PABPC4L: variants seen among roughly 807,000 people sequenced by gnomAD.
The protein encoded by PABPC4L is polyadenylate-binding protein 4-like.
For missense variants in PABPC4L, 452 were observed against 451.4 expected, an observed-to-expected ratio of 1.00 and a Z score of -0.01; for synonymous variants, 169 against 164.1, an observed-to-expected ratio of 1.03 and a Z score of -0.23.
chr4:134,200,240 A>T lies in PABPC4L; in HGVS notation c.780T>A (p.Ile260=). Residue 260 remains isoleucine (I), a synonymous_variant, in exon 2 of 2, where the codon ATT becomes ATA. Transcript: ENST00000421491. ...CTTTCTTTTGAGCCCGGCCTACAAA[A>T]ATCAGCTGCCCATTTATGTCCCTTC... The part of the protein sequence containing the change: ...MNGRDINGQL[I]FVGRAQKKVE... 1 of 1,552,964 alleles carries T rather than the reference A, an allele frequency of 6.4e-7. No individual in the cohort carries two copies. Among genetic ancestry groups the T allele is most frequent in the South Asian group, 1.2e-5 (1 of 84,136 alleles).
At chr4:134,050,597 C>T in the PABPC4L span, among the ~76,000 whole-genome samples, 5 of 148,874 alleles carry the variant, frequency 3.4e-5, no homozygotes, top group African/African-American at 1.2e-4. Context: ...CCCAGCTACT[C>T]GGGAGGCTGA....
At chr4:134,126,747 C>A in the PABPC4L span, among the ~76,000 whole-genome samples, 1 of 152,116 alleles carries the variant, frequency 6.6e-6, no homozygotes, top group African/African-American at 2.4e-5. Flanking sequence ...AGAACTATCA[C>A]AGAAACATAC....
At chr4:134,175,099 A>C in the PABPC4L span, among the ~76,000 whole-genome samples, 1 of 152,192 alleles carries the variant, frequency 6.6e-6, no homozygotes, top group Admixed American at 6.6e-5. Context: ...TCAGATCTTC[A>C]GAACATAGTA....
the PABPC4L span, among the ~76,000 whole-genome samples, chr4:133,958,002 G>T: frequency 6.6e-6 from 1 of 152,124 alleles, no homozygotes; most frequent in African/African-American, 2.4e-5. Flanking sequence ...GACCTCTGAC[G>T]CCCTGCAGAC....
At chr4:134,178,324 TAC>T in the PABPC4L span, among the ~76,000 whole-genome samples, 1 of 126,660 alleles carries the variant, frequency 7.9e-6, no homozygotes, top group Non-Finnish European at 1.6e-5. Flanking sequence ...ACACACCATA[TAC>T]CATAATTAAC....
the PABPC4L span, among the ~76,000 whole-genome samples, chr4:134,122,147 A>AT: frequency 6.6e-6 from 1 of 151,788 alleles, no homozygotes; most frequent in Non-Finnish European, 1.5e-5. Flanking sequence ...GTCAACTGTC[A>AT]TTTTTTATTA....
At chr4:133,990,070 G>A in the PABPC4L span, among the ~76,000 whole-genome samples, 1 of 151,990 alleles carries the variant, frequency 6.6e-6, no homozygotes, top group Admixed American at 6.6e-5. Flanking sequence ...CACAACACAT[G>A]GGGATCATAG....
the PABPC4L span, among the ~76,000 whole-genome samples, chr4:134,156,741 C>T: frequency 6.6e-6 from 1 of 151,498 alleles, no homozygotes; most frequent in African/African-American, 2.4e-5. Flanking sequence ...TAACTGTGAC[C>T]ATATTGTGTT....
At chr4:134,140,923 T>C in the PABPC4L span, among the ~76,000 whole-genome samples, 3 of 151,702 alleles carry the variant, frequency 2.0e-5, no homozygotes, top group Non-Finnish European at 4.4e-5. Flanking sequence ...TTCCTAAATC[T>C]TCTTAGGGCT....
At chr4:134,121,369 TATG>T in the PABPC4L span, among the ~76,000 whole-genome samples, 6 of 151,678 alleles carry the variant, frequency 4.0e-5, no homozygotes, top group Non-Finnish European at 5.9e-5. Context: ...TGAACATTTT[TATG>T]ATAAGTTATA....
chr4:134,060,114 T>G, the PABPC4L span, among the ~76,000 whole-genome samples: 1 of 152,144 alleles, frequency 6.6e-6, no homozygotes, highest in East Asian at 1.9e-4. Context: ...ATCACTGAAC[T>G]CAGCTGAATC....
At chr4:134,124,515 C>T in the PABPC4L span, among the ~76,000 whole-genome samples, 7 of 152,068 alleles carry the variant, frequency 4.6e-5, no homozygotes, top group African/African-American at 7.2e-5. Flanking sequence ...ATCACCCTGT[C>T]TGTGTGCATA....
the PABPC4L span, among the ~76,000 whole-genome samples, chr4:134,028,245 G>T: frequency 6.6e-6 from 1 of 151,998 alleles, no homozygotes; most frequent in Admixed American, 6.6e-5. Flanking sequence ...CTTTCTTAAT[G>T]AAATCTTTAC....
the PABPC4L span, among the ~76,000 whole-genome samples, chr4:134,169,110 G>T: frequency 6.6e-6 from 1 of 151,952 alleles, no homozygotes; most frequent in Non-Finnish European, 1.5e-5. Flanking sequence ...AACCATAAAA[G>T]GTGGGATTCT....
the PABPC4L span, among the ~76,000 whole-genome samples, chr4:133,991,365 G>A: frequency 3.9e-5 from 6 of 152,088 alleles, no homozygotes; most frequent in Non-Finnish European, 7.3e-5. Context: ...TCCCAACTAC[G>A]TATTGATTGA....
the PABPC4L span, among the ~76,000 whole-genome samples, chr4:134,140,759 G>T: frequency 2.0e-4 from 30 of 151,782 alleles, no homozygotes; most frequent in Admixed American, 1.9e-3. Flanking sequence ...TAGGAGTTTT[G>T]ACTAGTTTGA....
At chr4:134,044,659 G>C in the PABPC4L span, among the ~76,000 whole-genome samples, 1 of 152,148 alleles carries the variant, frequency 6.6e-6, no homozygotes, top group Non-Finnish European at 1.5e-5. Context: ...AGATATGAAA[G>C]GCAATGGAAT....
chr4:133,996,886 CA>C, the PABPC4L span, among the ~76,000 whole-genome samples: 1 of 152,274 alleles, frequency 6.6e-6, no homozygotes, highest in East Asian at 1.9e-4. Context: ...TAGTAGAGAG[CA>C]GTCCTGCAGT....
chr4:134,084,501 TA>T, the PABPC4L span, among the ~76,000 whole-genome samples: 31 of 151,932 alleles, frequency 2.0e-4, 1 homozygote, highest in African/African-American at 4.1e-4. Flanking sequence ...GATTTTTTTT[TA>T]AAAAAAAGAT....
Sources: gnomAD v4.1 joint callset for allele counts (sites outside exome capture counted in the v4.1 genomes callset) on GRCh38, gnomAD v4.1.1 for gene constraint, MANE v1.5 for transcripts, NCBI Gene and HGNC (gene_info 2026-07-23, HGNC 2026-07-21) for gene names.